Variants in ARHGAP42 observed in about 807,000 individuals in gnomAD.
ARHGAP42 encodes the protein rho GTPase-activating protein 42.
In ARHGAP42, 63 loss-of-function variants were observed where a neutral mutation model predicts 125.0. The observed-to-expected ratio is 0.50, with a 90% CI of 0.41 to 0.62. ARHGAP42 has a LOEUF of 0.62. Ranked by LOEUF, ARHGAP42 falls within the 20% of genes least tolerant of loss-of-function variation. The probability of loss-of-function intolerance (pLI) is 0.00; values close to 1 mark genes in which losing one functional copy is unlikely to be tolerated. For missense variants in ARHGAP42, 766 were observed against 1,024.2 expected, an observed-to-expected ratio of 0.75 and a Z score of 3.44; for synonymous variants, 339 against 351.0, an observed-to-expected ratio of 0.97 and a Z score of 0.38.
At chr11:100,841,715 C>T (rs1202387518) in intron 3 of ARHGAP42, among the ~76,000 whole-genome samples, 1 of 152,130 alleles carries the variant, frequency 6.6e-6, no homozygotes, top group African/African-American at 2.4e-5. Flanking sequence ...GGCACTTGCT[C>T]TTCTCTCTGC....
intron 1 of ARHGAP42, among the ~76,000 whole-genome samples, chr11:100,768,636 A>G (rs1490515231): frequency 1.3e-5 from 2 of 152,126 alleles, no homozygotes; most frequent in Non-Finnish European, 1.5e-5. Flanking sequence ...AGAAAATTCT[A>G]TTTTCTTATT....
chr11:100,940,819 G>T (rs1164507193), intron 8 of ARHGAP42, among the ~76,000 whole-genome samples: 2 of 114,312 alleles, frequency 1.7e-5, no homozygotes, highest in East Asian at 5.8e-4. Flanking sequence ...TATCTGTCTG[G>T]CTCTGTTGTA....
intron 1 of ARHGAP42, among the ~76,000 whole-genome samples, chr11:100,714,058 G>T (rs193059492): frequency 1.3e-5 from 2 of 152,274 alleles, no homozygotes; most frequent in African/African-American, 4.8e-5. Flanking sequence ...AATAGGTATG[G>T]TTTTGTAATA....
intron 1 of ARHGAP42, among the ~76,000 whole-genome samples, chr11:100,724,244 T>C (rs1417887932): frequency 6.6e-6 from 1 of 152,122 alleles, no homozygotes; most frequent in African/African-American, 2.4e-5. Context: ...AGGAGTTTTA[T>C]TTCTATGTTC....
At chr11:100,688,259 C>T (rs1003834350) in intron 1 of ARHGAP42, among the ~76,000 whole-genome samples, 1 of 152,058 alleles carries the variant, frequency 6.6e-6, no homozygotes, top group Non-Finnish European at 1.5e-5. Flanking sequence ...TTATTAATGT[C>T]TCTCATACGT....
chr11:100,905,088 C>G (rs948597422), intron 4 of ARHGAP42, among the ~76,000 whole-genome samples: 2 of 152,166 alleles, frequency 1.3e-5, no homozygotes, highest in Non-Finnish European at 2.9e-5. Flanking sequence ...TTTGTTCATT[C>G]TTACCAATTT....
chr11:100,795,604 A>G (rs1224725747), intron 3 of ARHGAP42, among the ~76,000 whole-genome samples: 2 of 152,216 alleles, frequency 1.3e-5, no homozygotes, highest in African/African-American at 4.8e-5. Flanking sequence ...GAAGGTTGGG[A>G]GAATTTTGCT....
chr11:100,929,722 C>G (rs1280496500), intron 6 of ARHGAP42, among the ~76,000 whole-genome samples: 1 of 152,146 alleles, frequency 6.6e-6, no homozygotes, highest in Non-Finnish European at 1.5e-5. Flanking sequence ...AATGCCTATT[C>G]AATTTCTTTG....
intron 1 of ARHGAP42, among the ~76,000 whole-genome samples, chr11:100,748,375 AC>A (rs1269324368): frequency 6.6e-6 from 1 of 152,056 alleles, no homozygotes; most frequent in Non-Finnish European, 1.5e-5. Flanking sequence ...TCCCTCAATC[AC>A]CCGACTGTCC....
At chr11:100,935,104 A>C (rs756585000) in intron 7 of ARHGAP42, among the ~76,000 whole-genome samples, 1 of 151,668 alleles carries the variant, frequency 6.6e-6, no homozygotes, top group Non-Finnish European at 1.5e-5. Flanking sequence ...AAAATAGTGA[A>C]AGTGACAAGA....
At chr11:100,935,582 G>A (rs1312526740) in intron 7 of ARHGAP42, among the ~76,000 whole-genome samples, 1 of 151,570 alleles carries the variant, frequency 6.6e-6, no homozygotes, top group Non-Finnish European at 1.5e-5. Flanking sequence ...TTTATGTAGT[G>A]CATCCTATAT....
At chr11:100,764,831 G>T (rs566456469) in intron 1 of ARHGAP42, among the ~76,000 whole-genome samples, 1 of 152,248 alleles carries the variant, frequency 6.6e-6, no homozygotes, top group South Asian at 2.1e-4. Context: ...GTTTCCTACC[G>T]TTAATATACT....
chr11:100,864,225 C>A (rs1865514897), intron 4 of ARHGAP42, among the ~76,000 whole-genome samples: 1 of 150,972 alleles, frequency 6.6e-6, no homozygotes, highest in Admixed American at 6.6e-5. Context: ...CACTCTGTCA[C>A]CCAGGCTGGA....
intron 4 of ARHGAP42, among the ~76,000 whole-genome samples, chr11:100,880,244 C>G (rs1363430574): frequency 6.6e-6 from 1 of 152,124 alleles, no homozygotes; most frequent in South Asian, 2.1e-4. Context: ...TCTTTTATCC[C>G]TCACCCCATT....
chr11:100,713,712 T>C (rs935132317), intron 1 of ARHGAP42, among the ~76,000 whole-genome samples: 2 of 152,216 alleles, frequency 1.3e-5, no homozygotes, highest in Non-Finnish European at 2.9e-5. Flanking sequence ...AGGAATTTGG[T>C]ATAATAAAAC....
At chr11:100,720,351 T>C (rs1475228235) in intron 1 of ARHGAP42, among the ~76,000 whole-genome samples, 1 of 152,220 alleles carries the variant, frequency 6.6e-6, no homozygotes, top group Non-Finnish European at 1.5e-5. Flanking sequence ...TGAATGATTG[T>C]TGATAATGTT....
In ARHGAP42 at chr11:100,936,201, A is replaced by C; in HGVS notation, c.703-2A>C. The C allele has an allele frequency of 6.4e-7, 1 of 1,551,462 alleles. No individual in the cohort carries two copies. The highest frequency in any genetic ancestry group is 8.7e-7 in the Non-Finnish European group (1 of 1,146,850). On this transcript the variant is annotated splice_acceptor_variant, in intron 7 of 23. Transcript: ENST00000298815. LOFTEE classifies it high-confidence loss of function. ...TGAAATTATTGTTTCTGTTTACTTA[A>C]GACAAGGAATAATTTTGAAAGTACT...
intron 1 of ARHGAP42, among the ~76,000 whole-genome samples, chr11:100,690,205 A>G (rs1861163233): frequency 6.6e-6 from 1 of 152,116 alleles, no homozygotes; most frequent in African/African-American, 2.4e-5. Context: ...CTAACTTTAT[A>G]TAGACTATTT....
At chr11:100,933,950 G>T (rs2135261624) in intron 7 of ARHGAP42, among the ~76,000 whole-genome samples, 2 of 152,208 alleles carry the variant, frequency 1.3e-5, no homozygotes, top group African/African-American at 4.8e-5. Flanking sequence ...ACTACACCTG[G>T]CTAATTTTGT....
Sources: allele counts gnomAD v4.1 joint callset (sites outside exome capture counted in the v4.1 genomes callset), GRCh38; gene constraint gnomAD v4.1.1; transcripts MANE v1.5; gene names NCBI Gene and HGNC (gene_info 2026-07-23, HGNC 2026-07-21).